CDH9: variants seen among roughly 807,000 people sequenced by gnomAD.
CDH9 encodes the protein cadherin 9.
Under a neutral mutation model 70.9 loss-of-function variants are expected in CDH9, and 28 were observed. The ratio of observed to expected loss-of-function variants is 0.40; its 90% CI spans 0.29 to 0.54. The LOEUF (loss-of-function observed/expected upper bound fraction) is 0.54, where lower values mean the gene tolerates loss of function less well. CDH9 is among the 20% of genes least tolerant of loss of function. The pLI, the probability that CDH9 is intolerant of heterozygous loss-of-function variation, is 0.59. For missense variants in CDH9, 874 were observed against 984.4 expected (o/e 0.89, Z 1.50); for synonymous variants, 409 against 343.1 (o/e 1.19, Z -2.12).
rs556510635 is a variant in CDH9, at chr5:26,948,837, G to A, written c.229-32913C>T. The stretch of plus-strand genomic sequence containing the variant: ...TTGGCTTAATTGTTTAAGTGAACAC[G>A]ACCTAAGTTTGAGAATGAGAGGACA... On this transcript the variant is annotated intron_variant, in intron 2 of 11. Coordinates refer to ENST00000231021, the MANE Select transcript of CDH9 (RefSeq NM_016279.4). Among the ~76,000 whole-genome samples, 9 of 152,236 alleles carry A rather than the reference G, an allele frequency of 5.9e-5. No individual in the cohort carries two copies. In the East Asian group the frequency reaches 1.2e-3, roughly 20 times the overall value.
At chr5:26,945,774 G>A (rs1341498866) in intron 2 of CDH9, among the ~76,000 whole-genome samples, 1 of 152,146 alleles carries the variant, frequency 6.6e-6, no homozygotes, top group Non-Finnish European at 1.5e-5. Flanking sequence ...GATAATAGCG[G>A]AAACCTGGAA....
At position 26,906,219 on chromosome 5, in the gene CDH9, C is replaced by A. The variant is rs1390957185; in HGVS notation, c.644-93G>T. On this transcript the variant is annotated intron_variant, in intron 4 of 11. Transcript: ENST00000231021. ...CTCATTTTACAAAAGTTGATTATAA[C>A]AAACATAAAATGTCAGTGTATTTAA... 12 of 1,007,856 alleles carry A rather than the reference C, an allele frequency of 1.2e-5. No homozygotes were observed. In the East Asian group the frequency reaches 2.7e-4, roughly 22 times the overall value. The allele number at this position is 1,007,856 out of a possible 1,614,324, so 62.4% of individuals were successfully genotyped here. A position where few individuals can be genotyped will look rare whatever the true frequency, so the allele number is the denominator to read the frequency against.
At chr5:27,038,111 T>C (rs1161972969) in intron 1 of CDH9, among the ~76,000 whole-genome samples, 4 of 151,932 alleles carry the variant, frequency 2.6e-5, no homozygotes, top group African/African-American at 9.7e-5. Context: ...CATGAACACA[T>C]AAATATGTGA....
At chr5:26,950,055 A>T (rs1342665154) in intron 2 of CDH9, among the ~76,000 whole-genome samples, 1 of 152,128 alleles carries the variant, frequency 6.6e-6, no homozygotes, top group Admixed American at 6.5e-5. Context: ...TGGGGCTTTA[A>T]TCATTTTTTT....
intron 11 of CDH9, among the ~76,000 whole-genome samples, chr5:26,883,830 T>G (rs1455701295): frequency 6.6e-6 from 1 of 152,250 alleles, no homozygotes; most frequent in South Asian, 2.1e-4. Context: ...CCCTAGATTT[T>G]AATCTTCCAT....
chr5:26,920,243 G>A (rs1741221228), intron 2 of CDH9, among the ~76,000 whole-genome samples: 1 of 151,944 alleles, frequency 6.6e-6, no homozygotes, highest in Non-Finnish European at 1.5e-5. Context: ...CTTGTCATGG[G>A]CCTGAGGTGG....
intron 1 of CDH9, among the ~76,000 whole-genome samples, chr5:27,011,261 G>A (rs1411615758): frequency 1.3e-5 from 2 of 152,022 alleles, no homozygotes; most frequent in Non-Finnish European, 2.9e-5. Context: ...CCAACCCCTG[G>A]AACCTAGGAA....
At chr5:27,008,505 A>T (rs1742905483) in intron 1 of CDH9, among the ~76,000 whole-genome samples, 1 of 151,820 alleles carries the variant, frequency 6.6e-6, no homozygotes, top group African/African-American at 2.4e-5. Flanking sequence ...AAAAAAGTAT[A>T]TGTATAGCAA....
intron 2 of CDH9, among the ~76,000 whole-genome samples, chr5:26,950,536 T>G (rs7705394): frequency 2.0e-3 from 311 of 152,320 alleles, no homozygotes; most frequent in Non-Finnish European, 3.6e-3. Flanking sequence ...TAAAAATTAA[T>G]GCTGACATTC....
chr5:27,005,837 A>T (rs1440942606), intron 1 of CDH9, among the ~76,000 whole-genome samples: 1 of 152,192 alleles, frequency 6.6e-6, no homozygotes, highest in Non-Finnish European at 1.5e-5. Context: ...CTGTGCAGCC[A>T]TAAGAAGGAA....
intron 2 of CDH9, among the ~76,000 whole-genome samples, chr5:26,936,849 TCACACACACACACGCA>T (rs147487297): frequency 6.7e-6 from 1 of 149,762 alleles, no homozygotes; most frequent in Admixed American, 6.6e-5. Flanking sequence ...CTTATAGCCT[TCACACACACACACGCA>T]CACACACACA....
intron 2 of CDH9, among the ~76,000 whole-genome samples, chr5:26,945,480 T>G (rs990342992): frequency 2.0e-5 from 3 of 152,154 alleles, no homozygotes; most frequent in Non-Finnish European, 4.4e-5. Context: ...TACTTCTTAA[T>G]TGCTTTATGT....
intron 1 of CDH9, among the ~76,000 whole-genome samples, chr5:26,995,261 T>A (rs1561033240): frequency 6.6e-6 from 1 of 152,196 alleles, no homozygotes; most frequent in African/African-American, 2.4e-5. Flanking sequence ...CCTCGGATCA[T>A]GTATGACATT....
intron 3 of CDH9, among the ~76,000 whole-genome samples, chr5:26,914,122 C>T (rs537482131): frequency 6.6e-6 from 1 of 151,686 alleles, no homozygotes; most frequent in East Asian, 1.9e-4. Flanking sequence ...CTTAATTATA[C>T]TTTTTACTTT....
At chr5:26,974,918 C>CATTT (rs2112077563) in intron 2 of CDH9, among the ~76,000 whole-genome samples, 1 of 152,182 alleles carries the variant, frequency 6.6e-6, no homozygotes, top group African/African-American at 2.4e-5. Context: ...CCATGCTGTA[C>CATTT]ATTTGATCTC....
intron 7 of CDH9, among the ~76,000 whole-genome samples, chr5:26,895,891 A>G (rs1225575725): frequency 6.6e-6 from 1 of 152,006 alleles, no homozygotes; most frequent in Non-Finnish European, 1.5e-5. Flanking sequence ...CCATGCTACA[A>G]TGTTGCATTC....
intron 2 of CDH9, among the ~76,000 whole-genome samples, chr5:26,957,002 C>CTTTTTTTTTTTTTTT (rs5866813): frequency 7.2e-6 from 1 of 138,916 alleles, no homozygotes; most frequent in Non-Finnish European, 1.5e-5. Flanking sequence ...TTTCCATGTG[C>CTTTTTTTTTTTTTTT]TTTTTTTTTT....
intron 1 of CDH9, among the ~76,000 whole-genome samples, chr5:27,025,848 G>A (rs2112130340): frequency 6.6e-6 from 1 of 151,956 alleles, no homozygotes; most frequent in African/African-American, 2.4e-5. Context: ...TATATTTTTT[G>A]GAGAGTTGTA....
chr5:26,973,545 C>A (rs1342908317), intron 2 of CDH9, among the ~76,000 whole-genome samples: 1 of 151,912 alleles, frequency 6.6e-6, no homozygotes, highest in Non-Finnish European at 1.5e-5. Context: ...AAATTTATTG[C>A]AAACATGTAA....
Sources: allele counts gnomAD v4.1 joint callset (sites outside exome capture counted in the v4.1 genomes callset), GRCh38; gene constraint gnomAD v4.1.1; transcripts MANE v1.5; gene names NCBI Gene and HGNC (gene_info 2026-07-23, HGNC 2026-07-21).